Variants in LATS1 observed in about 807,000 individuals in gnomAD.
LATS1 encodes the protein large tumor suppressor kinase 1.
Under a neutral mutation model 106.6 loss-of-function variants are expected in LATS1, and 25 were observed. The ratio of observed to expected loss-of-function variants is 0.23; its 90% CI spans 0.17 to 0.33. The LOEUF (loss-of-function observed/expected upper bound fraction) is 0.33, where lower values mean the gene tolerates loss of function less well. Ranked by LOEUF, LATS1 falls within the 10% of genes least tolerant of loss-of-function variation. LATS1 has a pLI of 1.00. For synonymous variants in LATS1, 465 were observed against 455.6 expected, an observed-to-expected ratio of 1.02 and a Z score of -0.26; for missense variants, 1,040 against 1,382.6, an observed-to-expected ratio of 0.75 and a Z score of 3.93.
At chr6:149,679,808 TA>T (rs775078506) in intron 5 of LATS1, 66 bp downstream of exon 5, 48 of 1,180,714 alleles carry the variant, frequency 4.1e-5, no homozygotes, top group Non-Finnish European at 5.6e-5. Flanking sequence ...TACCATCTTA[TA>T]TTTTACTACA....
At chr6:149,669,046 C>G (rs1207308902) in intron 7 of LATS1, among the ~76,000 whole-genome samples, 1 of 152,090 alleles carries the variant, frequency 6.6e-6, no homozygotes, top group African/African-American at 2.4e-5. Flanking sequence ...CGATCTCAAA[C>G]TCCTGGGTTC....
intron 5 of LATS1, 116 bp from the exon 6 acceptor site, chr6:149,676,853 T>A: frequency 3.5e-6 from 3 of 852,766 alleles, no homozygotes; most frequent in South Asian, 1.8e-5. Flanking sequence ...TGTGACAAAC[T>A]AAGACACAAT....
In LATS1 at chr6:149,680,442, C is replaced by T; in HGVS notation, c.2026G>A (p.Asp676Asn). Residue 676 changes from aspartate to asparagine, a missense_variant, in exon 5 of 8, where the codon GAT (aspartate) becomes AAT (asparagine). This residue lies in a region of LATS1 where 167 missense variants were observed against 332.1 expected (regional missense o/e 0.50). Transcript: ENST00000543571. ...ATCTTTCTCATTTGATCCTGGGCAT[C>T]TTGAGATAATCCAACCTAGGCAAAT... ...NEMMRVGLSQ[D>N]AQDQMRKMLC... 1 of 1,606,382 alleles carries T rather than the reference C, an allele frequency of 6.2e-7. No homozygotes were observed. The highest frequency in any genetic ancestry group is 1.1e-5 in the South Asian group (1 of 89,894).
At chr6:149,708,777 G>C (rs1488051577) in intron 1 of LATS1, among the ~76,000 whole-genome samples, 1 of 152,202 alleles carries the variant, frequency 6.6e-6, no homozygotes, top group Admixed American at 6.5e-5. Context: ...CTCTGAGCAA[G>C]AGAAACATTT....
chr6:149,690,223 T>C (rs1487183837), intron 3 of LATS1, among the ~76,000 whole-genome samples: 2 of 149,866 alleles, frequency 1.3e-5, no homozygotes, highest in Non-Finnish European at 3.0e-5. Context: ...CTTTTTTTTT[T>C]TTTTTTTGAG....
At chr6:149,693,713 T>A (rs1185193681) in intron 3 of LATS1, among the ~76,000 whole-genome samples, 1 of 152,178 alleles carries the variant, frequency 6.6e-6, no homozygotes. Context: ...GGTGTTTCCA[T>A]AACCATTAAA....
intron 3 of LATS1, 117 bp downstream of exon 3, chr6:149,694,957 A>C: frequency 1.2e-6 from 1 of 818,490 alleles, no homozygotes; most frequent in Non-Finnish European, 1.9e-6. Context: ...TTAATTTGAG[A>C]CTTTCATTTA....
chr6:149,698,720 A>T (rs1783257066), intron 2 of LATS1, among the ~76,000 whole-genome samples: 1 of 151,176 alleles, frequency 6.6e-6, no homozygotes, highest in Non-Finnish European at 1.5e-5. Flanking sequence ...GGCCCAGCTA[A>T]TGTTTTTTTT....
chr6:149,675,215 CAAAAAAAA>C (rs67049932), intron 7 of LATS1, among the ~76,000 whole-genome samples: 1 of 111,636 alleles, frequency 9.0e-6, no homozygotes, highest in Non-Finnish European at 2.0e-5. Context: ...GACTCTGTAT[CAAAAAAAA>C]AAAAAAAAAG....
At position 149,683,980 on chromosome 6, in the gene LATS1, C is replaced by T. The variant is rs767399674; in HGVS notation, c.1109G>A (p.Arg370Gln). 1.4e-5 allele frequency: 22 copies of T among 1,613,746 alleles called. No individual in the cohort carries two copies. The highest frequency in any genetic ancestry group is 6.7e-5 in the African/African-American group (5 of 74,810). Residue 370 changes from arginine (R) to glutamine (Q), a missense_variant, in exon 4 of 8, where the codon CGG becomes CAG. Physicochemically the swap from Arg to Gln is conservative, Grantham distance 43 (BLOSUM62 1). Coordinates refer to ENST00000543571, the MANE Select transcript of LATS1 (RefSeq NM_004690.4). ...QNVVPAGTVNRQPPPPYPLTA... is the reference protein window; with the variant it reads ...QNVVPAGTVNQQPPPPYPLTA... The stretch of plus-strand genomic sequence containing the variant: ...CAGAGGATATGGAGGTGGTGGCTGC[C>T]GATTCACAGTGCCAGCAGGGACAAC...
At chr6:149,666,954 A>G (rs1447377387) in intron 7 of LATS1, among the ~76,000 whole-genome samples, 1 of 151,896 alleles carries the variant, frequency 6.6e-6, no homozygotes, top group Non-Finnish European at 1.5e-5. Context: ...AAAAAAAAAA[A>G]AAAAAATGCT....
chr6:149,667,461 AAAAAAAG>A (rs1241616840), intron 7 of LATS1, among the ~76,000 whole-genome samples: 12 of 150,866 alleles, frequency 8.0e-5, no homozygotes, highest in Admixed American at 1.3e-4. Flanking sequence ...AAAAAAAAAA[AAAAAAAG>A]GAGGTGGATA....
chr6:149,697,650 T>C (rs1474160393), intron 2 of LATS1, among the ~76,000 whole-genome samples: 2 of 152,252 alleles, frequency 1.3e-5, no homozygotes, highest in Non-Finnish European at 2.9e-5. Context: ...TATGTATTTA[T>C]GCTATTATTA....
chr6:149,673,096 C>CTTTTTTTTTTTT (rs199602290), intron 7 of LATS1, among the ~76,000 whole-genome samples: 1 of 119,114 alleles, frequency 8.4e-6, no homozygotes, highest in Non-Finnish European at 1.7e-5. Context: ...CTTTTCTTTT[C>CTTTTTTTTTTTT]TTTTTTTTTT....
chr6:149,695,512 C>CA (rs1783009272), intron 2 of LATS1, among the ~76,000 whole-genome samples: 2 of 151,954 alleles, frequency 1.3e-5, no homozygotes, highest in East Asian at 1.9e-4. Context: ...CCAGTCTCTG[C>CA]AAAAAAACAC....
chr6:149,671,828 A>C (rs1781456845), intron 7 of LATS1, among the ~76,000 whole-genome samples: 1 of 151,980 alleles, frequency 6.6e-6, no homozygotes. Context: ...TTACAGCTTT[A>C]CTACATTAAC....
intron 7 of LATS1, among the ~76,000 whole-genome samples, chr6:149,664,343 G>A (rs1315450711): frequency 6.6e-6 from 1 of 152,128 alleles, no homozygotes; most frequent in African/African-American, 2.4e-5. Context: ...CAAAAGGTAA[G>A]AAAGCAAAAT....
intron 2 of LATS1, among the ~76,000 whole-genome samples, 158 bp downstream of exon 2, chr6:149,701,621 T>G (rs1325015728): frequency 6.6e-6 from 1 of 152,232 alleles, no homozygotes; most frequent in East Asian, 1.9e-4. Flanking sequence ...TAGTAATTAA[T>G]GGAATTATAA....
At position 149,709,210 on chromosome 6, in the gene LATS1, TC is replaced by T. The variant is rs1254880766; in HGVS notation, c.-140-6945del. On this transcript the variant is annotated intron_variant, in intron 1 of 7. Transcript: ENST00000543571. ...TTGGCCATACCTCATTATTCCCTCC[TC>T]CCTGTTGGAATTCAGGCACAGCTGA... 3.3e-5 allele frequency among the ~76,000 whole-genome samples: 5 copies of T among 152,268 alleles called. No homozygotes were observed. The East Asian group carries it at 9.6e-4, about 29-fold the overall frequency.
Sources: allele counts gnomAD v4.1 joint callset (sites outside exome capture counted in the v4.1 genomes callset), GRCh38; gene constraint gnomAD v4.1.1; regional missense constraint gnomAD v4.1.1; transcripts MANE v1.5; gene names NCBI Gene and HGNC (gene_info 2026-07-23, HGNC 2026-07-21).